C8orf34: variants seen among roughly 807,000 people sequenced by gnomAD.
C8orf34 encodes the protein chromosome 8 open reading frame 34.
Under a neutral mutation model 68.3 loss-of-function variants are expected in C8orf34, and 65 were observed. The ratio of observed to expected loss-of-function variants is 0.95; its 90% CI spans 0.78 to 1.17. The LOEUF (loss-of-function observed/expected upper bound fraction) is 1.17, where lower values mean the gene tolerates loss of function less well. Among genes scored for constraint, C8orf34 ranks in the 50% most tolerant of loss-of-function variants. The pLI is 0.00. For missense variants in C8orf34, 664 were observed against 655.4 expected (o/e 1.01, Z -0.14); for synonymous variants, 244 against 241.2 (o/e 1.01, Z -0.11).
rs571729863 is a variant in C8orf34 at position 68,628,676 on chromosome 8, T to C, written c.1106-11700T>C. Among the ~76,000 whole-genome samples the C allele has an allele frequency of 2.6e-5, 4 of 152,314 alleles. No homozygotes were observed. In the South Asian group the frequency reaches 8.3e-4, roughly 32 times the overall value. On this transcript the variant is annotated intron_variant, in intron 7 of 13. Coordinates refer to ENST00000518698, the MANE Select transcript of C8orf34 (RefSeq NM_052958.4). ...ATAAAATTCTTGTGTAACCCATTGC[T>C]GAATCACTGTGAAGGGACTAATGTT...
At chr8:68,681,843 A>G (rs1820379952) in intron 8 of C8orf34, among the ~76,000 whole-genome samples, 1 of 152,186 alleles carries the variant, frequency 6.6e-6, no homozygotes, top group Non-Finnish European at 1.5e-5. Flanking sequence ...ATAAAAAGGA[A>G]TGAGAGCCAA....
chr8:68,377,139 C>A (rs1807836679), intron 1 of C8orf34, among the ~76,000 whole-genome samples: 1 of 152,106 alleles, frequency 6.6e-6, no homozygotes, highest in Non-Finnish European at 1.5e-5. Flanking sequence ...CAGCTGTAAT[C>A]CTAGCTCTTT....
At chr8:68,645,991 T>C (rs1218334153) in intron 8 of C8orf34, among the ~76,000 whole-genome samples, 1 of 152,150 alleles carries the variant, frequency 6.6e-6, no homozygotes, top group African/African-American at 2.4e-5. Flanking sequence ...TGCCATTCTT[T>C]CTCCCTTGAA....
chr8:68,523,986 A>G (rs1033790596), intron 6 of C8orf34, among the ~76,000 whole-genome samples: 5 of 152,214 alleles, frequency 3.3e-5, no homozygotes, highest in Non-Finnish European at 7.3e-5. Context: ...CATCTGTTAC[A>G]TGAGTGACAA....
At chr8:68,376,081 T>TA (rs1473666477) in intron 1 of C8orf34, among the ~76,000 whole-genome samples, 1 of 152,080 alleles carries the variant, frequency 6.6e-6, no homozygotes, top group East Asian at 1.9e-4. Context: ...CCCTGTCCTT[T>TA]TCCTGTTCTT....
intron 7 of C8orf34, among the ~76,000 whole-genome samples, chr8:68,611,665 A>G (rs573484215): frequency 6.6e-6 from 1 of 152,284 alleles, no homozygotes; most frequent in Admixed American, 6.5e-5. Context: ...AGTGATATGA[A>G]CTTATGTCAG....
intron 3 of C8orf34, among the ~76,000 whole-genome samples, chr8:68,468,193 T>A (rs534991927): frequency 6.6e-6 from 1 of 152,178 alleles, no homozygotes; most frequent in African/African-American, 2.4e-5. Context: ...TGCCTAATAA[T>A]GTCTTCTACA....
At chr8:68,603,526 TATC>T (rs1817763433) in intron 7 of C8orf34, among the ~76,000 whole-genome samples, 5 of 57,814 alleles carry the variant, frequency 8.6e-5, no homozygotes. Flanking sequence ...TACATATATC[TATC>T]TATCTATCTA....
chr8:68,768,927 C>A (rs1204839361), intron 10 of C8orf34, among the ~76,000 whole-genome samples: 1 of 150,558 alleles, frequency 6.6e-6, no homozygotes, highest in African/African-American at 2.5e-5. Flanking sequence ...CTTCATTCTT[C>A]TTTTAGCATA....
intron 8 of C8orf34, among the ~76,000 whole-genome samples, chr8:68,659,102 T>G (rs1313387515): frequency 1.3e-5 from 2 of 152,150 alleles, no homozygotes; most frequent in Non-Finnish European, 2.9e-5. Flanking sequence ...TTCAGTTTAT[T>G]TCACCCAGGA....
At chr8:68,346,912 A>G (rs1024914638) in intron 1 of C8orf34, among the ~76,000 whole-genome samples, 2 of 152,058 alleles carry the variant, frequency 1.3e-5, no homozygotes, top group Non-Finnish European at 2.9e-5. Flanking sequence ...ATAAACATCC[A>G]TATGCAGGCT....
At position 68,759,132 on chromosome 8, in the gene C8orf34, C is replaced by G. The variant is rs111600075; in HGVS notation, c.1405-17267C>G. Among the ~76,000 whole-genome samples the G allele has an allele frequency of 1.9e-3, 282 of 152,202 alleles. 3 individuals are homozygous for G. The highest frequency in any genetic ancestry group is 6.6e-3 in the African/African-American group (275 of 41,550). ...ATATATACACACAGACCATATTCCT[C>G]TTAATCATTCTAACCAAATCTTTGC... On this transcript the variant is annotated intron_variant, in intron 10 of 13. Coordinates refer to ENST00000518698, the MANE Select transcript of C8orf34 (RefSeq NM_052958.4).
intron 1 of C8orf34, among the ~76,000 whole-genome samples, chr8:68,340,685 T>C (rs1806034075): frequency 6.6e-6 from 1 of 152,168 alleles, no homozygotes; most frequent in South Asian, 2.1e-4. Context: ...GAAAAGATCT[T>C]CCAGCCCAAA....
At chr8:68,558,652 T>A (rs1816329417) in intron 7 of C8orf34, among the ~76,000 whole-genome samples, 1 of 151,928 alleles carries the variant, frequency 6.6e-6, no homozygotes, top group Non-Finnish European at 1.5e-5. Flanking sequence ...CAGGAAGAAA[T>A]TTCTGGTCTT....
Position 68,457,268 on chromosome 8 carries a change from A to T in C8orf34, c.607+10808A>T, listed in dbSNP as rs531568153. On this transcript the variant is annotated intron_variant, in intron 3 of 13. Coordinates refer to ENST00000518698, the MANE Select transcript of C8orf34 (RefSeq NM_052958.4). ...TAGAAAGTATAAACTACATAAATAT[A>T]AAAAAATGAAGACAGAAGTACAATA... 5.9e-5 allele frequency among the ~76,000 whole-genome samples: 9 copies of T among 152,258 alleles called. No individual in the cohort carries two copies. The East Asian group carries it at 1.7e-3, about 29-fold the overall frequency.
intron 8 of C8orf34, among the ~76,000 whole-genome samples, chr8:68,702,259 T>C (rs965023226): frequency 1.3e-5 from 2 of 152,130 alleles, no homozygotes; most frequent in African/African-American, 2.4e-5. Context: ...CTTCTCTTGC[T>C]GGATTATCGC....
At chr8:68,589,922 G>A (rs567760867) in intron 7 of C8orf34, among the ~76,000 whole-genome samples, 1 of 136,022 alleles carries the variant, frequency 7.4e-6, no homozygotes, top group South Asian at 2.8e-4. Flanking sequence ...AAAGATGGGG[G>A]AGGGAGGGAA....
At chr8:68,711,918 C>A (rs1354196972) in intron 9 of C8orf34, among the ~76,000 whole-genome samples, 1 of 152,096 alleles carries the variant, frequency 6.6e-6, no homozygotes, top group Admixed American at 6.6e-5. Context: ...AGGAAAAAAT[C>A]TTAAGAGCTG....
intron 8 of C8orf34, among the ~76,000 whole-genome samples, chr8:68,688,057 C>A (rs1036987649): frequency 2.6e-5 from 4 of 151,880 alleles, no homozygotes; most frequent in Admixed American, 2.0e-4. Context: ...CAGGGAAATG[C>A]AAATTAAAGC....
Sources: allele counts gnomAD v4.1 joint callset (sites outside exome capture counted in the v4.1 genomes callset), GRCh38; gene constraint gnomAD v4.1.1; transcripts MANE v1.5; gene names NCBI Gene and HGNC (gene_info 2026-07-23, HGNC 2026-07-21).